GRHL3: variants seen among roughly 807,000 people sequenced by gnomAD.
GRHL3 encodes the protein grainyhead like transcription factor 3, also known as grainyhead-like protein 3 homolog.
Under a neutral mutation model 70.3 loss-of-function variants are expected in GRHL3, and 20 were observed. That is an observed-to-expected ratio of 0.28 (90% CI 0.20 to 0.41). The LOEUF is 0.41. GRHL3 is among the 10% of genes least tolerant of loss of function. GRHL3 has a pLI of 1.00. For missense variants in GRHL3, 637 were observed against 762.3 expected, an observed-to-expected ratio of 0.84 and a Z score of 1.94; for synonymous variants, 299 against 299.9, an observed-to-expected ratio of 1.00 and a Z score of 0.03.
At chr1:24,319,724 G>A (rs1639108311) in intron 1 of GRHL3, 156 bp downstream of exon 1, 2 of 1,569,624 alleles carry the variant, frequency 1.3e-6, no homozygotes, top group South Asian at 2.3e-5. Flanking sequence ...GCGTGTCAAG[G>A]CAAGCCCCAG....
At chr1:24,331,652 A>G in intron 2 of GRHL3, 40 bp downstream of exon 2, 1 of 1,564,508 alleles carries the variant, frequency 6.4e-7, no homozygotes, top group Non-Finnish European at 8.7e-7. Context: ...TTTTGACTGA[A>G]TGGGTGTCTT....
intron 11 of GRHL3, chr1:24,343,377 G>A (rs1020542229): frequency 1.6e-5 from 4 of 251,364 alleles, no homozygotes; most frequent in East Asian, 8.3e-5. Flanking sequence ...GGCTCTGAGC[G>A]CTTCCCAGGC....
In GRHL3 at chr1:24,342,739, A is replaced by G. The variant is rs750991067; in HGVS notation, c.1252A>G (p.Arg418Gly). ...MRDDERKQFR[R>G]KVKCPDSSNS... ...CGATGACGAGCGGAAGCAGTTCCGG[A>G]GGAAGGTCAAGTGCCCTGACTCCAG... is the stretch of plus-strand genomic sequence containing the variant. Residue 418 changes from arginine to glycine, a missense_variant, in exon 10 of 16, where the codon AGG (arginine) becomes GGG (glycine). Physicochemically the swap from Arg to Gly is moderately radical, Grantham distance 125 (BLOSUM62 -2). Coordinates refer to ENST00000361548, the MANE Select transcript of GRHL3 (RefSeq NM_198173.3). The surrounding 1 kb of genome is among the most constrained non-coding windows in gnomAD (Gnocchi z 4.8). The G allele has an allele frequency of 6.2e-7, 1 of 1,614,174 alleles. No individual in the cohort carries two copies. The highest frequency in any genetic ancestry group is 2.2e-5 in the East Asian group (1 of 44,870).
In GRHL3 at chr1:24,334,772, C is replaced by A. The variant is rs1639732749; in HGVS notation, c.266+66C>A. 2.0e-5 allele frequency: 27 copies of A among 1,341,452 alleles called. No individual in the cohort carries two copies. The highest frequency in any genetic ancestry group is 2.7e-5 in the Non-Finnish European group (26 of 945,634). The allele number at this position is 1,341,452 out of a possible 1,614,324, so 83.1% of individuals were successfully genotyped here. Reference sequence around the variant, plus strand: ...ACCTCCACCTGGAGCCTCTTCCACACAGGTTTGACTTATCCATTAGGCACA... The same window carrying A: ...ACCTCCACCTGGAGCCTCTTCCACAAAGGTTTGACTTATCCATTAGGCACA... On this transcript the variant is annotated intron_variant, in intron 3 of 15. Coordinates refer to ENST00000361548, the MANE Select transcript of GRHL3 (RefSeq NM_198173.3). The surrounding 1 kb of genome is among the most constrained non-coding windows in gnomAD (Gnocchi z 4.3).
chr1:24,335,091 A>G (rs1569875851), intron 3 of GRHL3, among the ~76,000 whole-genome samples: 1 of 150,810 alleles, frequency 6.6e-6, no homozygotes. Context: ...CCTATAGGCC[A>G]TGTGGGCTGG....
chr1:24,341,782 T>A lies in GRHL3; in HGVS notation c.1048-333T>A, dbSNP rs150407624. On this transcript the variant is annotated intron_variant, in intron 8 of 15. Transcript: ENST00000361548. Reference sequence around the variant, plus strand: ...GGATCTTAAGCTCCTATAGGACTCTTGACATCCCCCCCAGTCTCCACCCCT... The same window carrying A: ...GGATCTTAAGCTCCTATAGGACTCTAGACATCCCCCCCAGTCTCCACCCCT... 2.2e-4 allele frequency among the ~76,000 whole-genome samples: 34 copies of A among 152,344 alleles called. No individual in the cohort carries two copies. In the East Asian group the frequency reaches 6.4e-3, roughly 29 times the overall value.
chr1:24,353,422 G>A (rs1387359816), intron 15 of GRHL3, among the ~76,000 whole-genome samples: 1 of 151,522 alleles, frequency 6.6e-6, no homozygotes, highest in African/African-American at 2.4e-5. Flanking sequence ...GGTAGATGGT[G>A]CATGAGTGGG....
rs748463811 is a variant in GRHL3 at position 24,354,464 on chromosome 1, T to C, written c.1785T>C (p.Ile595=). ...LLDMGELDGK[I]QIILKEL is the part of the protein sequence containing the mutation. ...ACATGGGGGAGCTGGACGGCAAAAT[T>C]CAGATCATCCTTAAGGAGCTGTAAG... Residue 595 remains isoleucine, a synonymous_variant, in exon 16 of 16, where the codon ATT becomes ATC. Transcript: ENST00000361548. 6.2e-7 allele frequency: 1 copy of C among 1,613,274 alleles called. No homozygotes were observed.
Position 24,342,902 on chromosome 1 carries a change from C to T in GRHL3, c.1296C>T (p.Gly432=). 6.2e-7 allele frequency: 1 copy of T among 1,614,182 alleles called. No individual in the cohort carries two copies. Among genetic ancestry groups the T allele is most frequent in the South Asian group, 1.1e-5 (1 of 91,086 alleles). ...TCCTTCTCCCATCAGGCGTCAAGGG[C>T]TGCCTGCTGTCGGGCTTCAGGGGCA... ...CPDSSNSGVK[G]CLLSGFRGNE... The change falls in exon 11 of 16, where the codon GGC becomes GGT. Residue 432 remains glycine, a synonymous_variant. Coordinates refer to ENST00000361548, the MANE Select transcript of GRHL3 (RefSeq NM_198173.3). This position sits in a 1 kb window ranked among gnomAD's most constrained non-coding sequence, Gnocchi z 4.8.
At chr1:24,364,247 C>G in exon 16 of GRHL3, 1 of 1,548,648 alleles carries the variant, frequency 6.5e-7, no homozygotes, top group Non-Finnish European at 8.7e-7. Context: ...CTTGAATGTT[C>G]CCATCCTGTG....
intron 15 of GRHL3, among the ~76,000 whole-genome samples, chr1:24,362,439 A>G (rs1432700477): frequency 6.6e-6 from 1 of 152,202 alleles, no homozygotes; most frequent in Non-Finnish European, 1.5e-5. Flanking sequence ...TAGTCATGCC[A>G]CTTACTGGCT....
intron 14 of GRHL3, among the ~76,000 whole-genome samples, chr1:24,349,046 A>G (rs1026519383): frequency 6.6e-6 from 1 of 152,244 alleles, no homozygotes; most frequent in Non-Finnish European, 1.5e-5. Context: ...CAGTGTGTGT[A>G]CATCCTATTA....
At chr1:24,348,753 T>C (rs887615837) in intron 14 of GRHL3, among the ~76,000 whole-genome samples, 3 of 152,210 alleles carry the variant, frequency 2.0e-5, no homozygotes, top group Non-Finnish European at 2.9e-5. Context: ...ATCTTCTTCC[T>C]GGTAGCTTTC....
chr1:24,327,911 A>G (rs902221052), intron 1 of GRHL3, among the ~76,000 whole-genome samples: 3 of 152,346 alleles, frequency 2.0e-5, no homozygotes, highest in African/African-American at 4.8e-5. Flanking sequence ...TTCAACACAC[A>G]AGTCAATACT....
chr1:24,342,142 A>G lies in GRHL3; in HGVS notation c.1075A>G (p.Thr359Ala). The G allele has an allele frequency of 6.2e-7, 1 of 1,606,282 alleles. No homozygotes were observed. The highest frequency in any genetic ancestry group is 8.5e-7 in the Non-Finnish European group (1 of 1,175,902). Residue 359 changes from threonine (T) to alanine (A), a missense_variant, in exon 9 of 16, where the codon ACA becomes GCA. Coordinates refer to ENST00000361548, the MANE Select transcript of GRHL3 (RefSeq NM_198173.3). The surrounding 1 kb of genome is among the most constrained non-coding windows in gnomAD (Gnocchi z 4.8). ...KVFIGVNCLS[T>A]DFSSQKGVKG... The stretch of plus-strand genomic sequence containing the variant: ...GTTCATCGGCGTAAACTGTCTGAGC[A>G]CAGACTTTTCCTCACAAAAGGGGGT...
Position 24,342,429 on chromosome 1 carries a change from C to A in GRHL3, c.1206+156C>A, listed in dbSNP as rs1027535121. Among the ~76,000 whole-genome samples the A allele has an allele frequency of 1.3e-5, 2 of 152,198 alleles. No individual in the cohort carries two copies. Among genetic ancestry groups the A allele is most frequent in the Non-Finnish European group, 2.9e-5 (2 of 68,040 alleles). On this transcript the variant is annotated intron_variant, in intron 9 of 15. Transcript: ENST00000361548. This position sits in a 1 kb window ranked among gnomAD's most constrained non-coding sequence, Gnocchi z 4.8. ...CTCTCCTCCTCCACCCCCACTCCTCCATCTCTCTGTCTCTCTGAGTTTCTT... is the reference window on the plus strand; with the variant it reads ...CTCTCCTCCTCCACCCCCACTCCTCAATCTCTCTGTCTCTCTGAGTTTCTT...
At chr1:24,338,129 C>T (rs773354574) in intron 7 of GRHL3, 26 bp downstream of exon 7, 3 of 1,466,602 alleles carry the variant, frequency 2.0e-6, no homozygotes, top group Non-Finnish European at 2.8e-6. Context: ...AGCCTCCATT[C>T]CAGCTCCCCT....
rs1639972395 is a variant in GRHL3, at chr1:24,339,884, G to A, written c.1047+122G>A. Reference sequence around the variant, plus strand: ...CTCCGACGAGGGCACTCATGGAGGAGGCAGGATGCAGTGTAGTATGGAAGC... The same window carrying A: ...CTCCGACGAGGGCACTCATGGAGGAAGCAGGATGCAGTGTAGTATGGAAGC... On this transcript the variant is annotated intron_variant, in intron 8 of 15. Coordinates refer to ENST00000361548, the MANE Select transcript of GRHL3 (RefSeq NM_198173.3). 1.2e-5 allele frequency: 7 copies of A among 602,448 alleles called. No individual in the cohort carries two copies. In the South Asian group the frequency reaches 1.8e-4, roughly 16 times the overall value. The allele number at this position is 602,448 out of a possible 1,614,324, so 37.3% of individuals were successfully genotyped here. A position where few individuals can be genotyped will look rare whatever the true frequency, so the allele number is the denominator to read the frequency against.
At chr1:24,333,143 T>TA (rs1639671120) in intron 2 of GRHL3, among the ~76,000 whole-genome samples, 1 of 152,180 alleles carries the variant, frequency 6.6e-6, no homozygotes, top group South Asian at 2.1e-4. Context: ...ACATTGATAA[T>TA]ACTGGTTTTA....
Sources: gnomAD v4.1 joint callset for allele counts (sites outside exome capture counted in the v4.1 genomes callset) on GRCh38, gnomAD v4.1.1 for gene constraint, Gnocchi (gnomAD v3.1) non-coding constraint, MANE v1.5 for transcripts, NCBI Gene and HGNC (gene_info 2026-07-23, HGNC 2026-07-21) for gene names.